PPFIA2: variants seen among roughly 807,000 people sequenced by gnomAD.
The protein encoded by PPFIA2 is liprin-alpha-2.
Under a neutral mutation model 175.5 loss-of-function variants are expected in PPFIA2, and 46 were observed. That is an observed-to-expected ratio of 0.26 (90% CI 0.21 to 0.34). PPFIA2 has a LOEUF of 0.34. Ranked by LOEUF, PPFIA2 falls within the 10% of genes least tolerant of loss-of-function variation. The probability of loss-of-function intolerance (pLI) is 1.00; values close to 1 mark genes in which losing one functional copy is unlikely to be tolerated. For missense variants in PPFIA2, 1,179 were observed against 1,506.1 expected, an observed-to-expected ratio of 0.78 and a Z score of 3.60; for synonymous variants, 568 against 511.4, an observed-to-expected ratio of 1.11 and a Z score of -1.49.
At chr12:81,718,642 A>C (rs2078949949) in intron 3 of PPFIA2, among the ~76,000 whole-genome samples, 1 of 151,690 alleles carries the variant, frequency 6.6e-6, no homozygotes, top group African/African-American at 2.4e-5. Flanking sequence ...TGAAGATAAA[A>C]GACAAGGATA....
chr12:81,491,215 T>C (rs1032494854), intron 4 of PPFIA2, among the ~76,000 whole-genome samples: 2 of 141,522 alleles, frequency 1.4e-5, no homozygotes, highest in African/African-American at 5.5e-5. Flanking sequence ...CTTTTTTTGT[T>C]TTTTTGCTTT....
At chr12:81,579,278 A>G (rs1489047329) in intron 4 of PPFIA2, among the ~76,000 whole-genome samples, 1 of 151,852 alleles carries the variant, frequency 6.6e-6, no homozygotes, top group African/African-American at 2.4e-5. Context: ...TAGCAACCAC[A>G]TAATACCCCT....
intron 27 of PPFIA2, among the ~76,000 whole-genome samples, chr12:81,280,410 CTATT>C (rs1406122987): frequency 6.6e-6 from 1 of 152,088 alleles, no homozygotes; most frequent in African/African-American, 2.4e-5. Context: ...CAATTATCCT[CTATT>C]TATCCTAATT....
At chr12:81,710,676 C>T (rs2153614242) in intron 3 of PPFIA2, among the ~76,000 whole-genome samples, 2 of 152,128 alleles carry the variant, frequency 1.3e-5, no homozygotes, top group Middle Eastern at 6.8e-3. Flanking sequence ...GTTTCATATA[C>T]ATCTTATACA....
chr12:81,507,760 A>T (rs2061334375), intron 4 of PPFIA2, among the ~76,000 whole-genome samples: 1 of 152,168 alleles, frequency 6.6e-6, no homozygotes, highest in Admixed American at 6.5e-5. Context: ...TCCTTTTAAA[A>T]CATAAAACAT....
intron 14 of PPFIA2, among the ~76,000 whole-genome samples, chr12:81,364,460 T>G (rs1262077347): frequency 6.6e-6 from 1 of 151,854 alleles, no homozygotes; most frequent in Non-Finnish European, 1.5e-5. Flanking sequence ...CACAGTTCAT[T>G]GCAGTCTTGA....
At chr12:81,631,211 T>A (rs1202107974) in intron 4 of PPFIA2, among the ~76,000 whole-genome samples, 1 of 152,108 alleles carries the variant, frequency 6.6e-6, no homozygotes, top group Non-Finnish European at 1.5e-5. Flanking sequence ...GTCTATCAAA[T>A]TTTTTAACCT....
intron 4 of PPFIA2, chr12:81,505,725 T>A (rs1461892841): frequency 6.6e-6 from 1 of 152,234 alleles, no homozygotes. Flanking sequence ...CTGAGCCACA[T>A]GTACCAGCTT....
At chr12:81,551,306 C>T (rs977351981) in intron 4 of PPFIA2, among the ~76,000 whole-genome samples, 1 of 151,994 alleles carries the variant, frequency 6.6e-6, no homozygotes, top group East Asian at 1.9e-4. Context: ...CTATCAGGTG[C>T]TGCATTATTA....
chr12:81,593,827 T>A (rs1434640546), intron 4 of PPFIA2, among the ~76,000 whole-genome samples: 1 of 152,170 alleles, frequency 6.6e-6, no homozygotes, highest in Non-Finnish European at 1.5e-5. Context: ...CAGGAAGGTC[T>A]TTTTTATGCC....
At chr12:81,751,865 T>C (rs1325362997) in intron 3 of PPFIA2, among the ~76,000 whole-genome samples, 1 of 152,182 alleles carries the variant, frequency 6.6e-6, no homozygotes, top group Non-Finnish European at 1.5e-5. Context: ...TTTCCTGAAG[T>C]ATCTTGTTCT....
chr12:81,554,470 T>C (rs2068491382), intron 4 of PPFIA2, among the ~76,000 whole-genome samples: 1 of 152,030 alleles, frequency 6.6e-6, no homozygotes, highest in Non-Finnish European at 1.5e-5. Context: ...CTCTGTACCA[T>C]GGCTTCTTCC....
chr12:81,709,304 C>T (rs928993363), intron 3 of PPFIA2, among the ~76,000 whole-genome samples: 2 of 152,134 alleles, frequency 1.3e-5, no homozygotes, highest in African/African-American at 4.8e-5. Flanking sequence ...CTCACCACTT[C>T]CCCTAATGTA....
In PPFIA2 at chr12:81,487,480, C is replaced by CTAG. The variant is rs369434225; in HGVS notation, c.304-29615_304-29614insCTA. Among the ~76,000 whole-genome samples the CTAG allele has an allele frequency of 4.9e-3, 738 of 151,444 alleles. 8 individuals are homozygous for CTAG. Among genetic ancestry groups the CTAG allele is most frequent in the African/African-American group, 0.017 (708 of 41,356 alleles). On this transcript the variant is annotated intron_variant, in intron 4 of 32. Transcript: ENST00000549396. ...CTTGGTAAGTGTTAACAATGAATTA[C>CTAG]TATTATTATTATTATTATTAATTAC...
chr12:81,326,800 T>C (rs1320273490), intron 21 of PPFIA2, among the ~76,000 whole-genome samples: 1 of 152,056 alleles, frequency 6.6e-6, no homozygotes, highest in African/African-American at 2.4e-5. Context: ...AGGTATATAC[T>C]TTTTTTAATA....
chr12:81,473,391 A>G (rs1181578452), intron 4 of PPFIA2, among the ~76,000 whole-genome samples: 2 of 152,192 alleles, frequency 1.3e-5, no homozygotes, highest in African/African-American at 4.8e-5. Context: ...TCTGGGCAAC[A>G]GAGTGAGACT....
intron 22 of PPFIA2, among the ~76,000 whole-genome samples, chr12:81,311,652 G>C (rs1400219157): frequency 1.3e-5 from 2 of 148,868 alleles, no homozygotes; most frequent in African/African-American, 2.5e-5. Flanking sequence ...AGAATGGCAT[G>C]AACCTGGGAG....
intron 4 of PPFIA2, among the ~76,000 whole-genome samples, chr12:81,581,805 T>G (rs1483004284): frequency 5.3e-5 from 8 of 151,918 alleles, no homozygotes. Context: ...ATCATTCTGA[T>G]ACATTTTTAT....
chr12:81,651,245 G>A (rs1010110163), intron 4 of PPFIA2, among the ~76,000 whole-genome samples: 1 of 152,092 alleles, frequency 6.6e-6, no homozygotes, highest in Non-Finnish European at 1.5e-5. Flanking sequence ...GGAGGGAAAA[G>A]GAATATCTGA....
Sources: gnomAD v4.1 joint callset for allele counts (sites outside exome capture counted in the v4.1 genomes callset) on GRCh38, gnomAD v4.1.1 for gene constraint, MANE v1.5 for transcripts, NCBI Gene and HGNC (gene_info 2026-07-23, HGNC 2026-07-21) for gene names.